ZFHX3: variants seen among roughly 807,000 people sequenced by gnomAD.
ZFHX3 encodes zinc finger homeobox 3.
ZFHX3 carries 42 observed loss-of-function variants against 279.1 expected under a neutral mutation model. The observed-to-expected ratio is 0.15, with a 90% CI of 0.12 to 0.19. ZFHX3 has a LOEUF of 0.19. Among genes scored for constraint, ZFHX3 ranks in the 10% least tolerant of loss-of-function variants. The pLI is 1.00. For synonymous variants in ZFHX3, 2,293 were observed against 1,957.8 expected (o/e 1.17, Z -4.52); for missense variants, 4,981 against 4,754.0 (o/e 1.05, Z -1.40).
Position 73,835,427 on chromosome 16 carries a change from T to C in ZFHX3, c.-1608+56224A>G, listed in dbSNP as rs114478073. On this transcript the variant is annotated intron_variant, in intron 1 of 17. Transcript: ENST00000641206. ...ACCTTTCCCCACCATCCCTCTTCTT[T>C]CGCCAACTTTCCTCCACCATCCCTC... Among the ~76,000 whole-genome samples, 326 of 148,810 alleles carry C rather than the reference T, an allele frequency of 2.2e-3. 3 individuals are homozygous for C. The highest frequency in any genetic ancestry group is 7.6e-3 in the African/African-American group (310 of 40,706).
intron 3 of ZFHX3, among the ~76,000 whole-genome samples, chr16:73,393,247 C>A (rs749927824): frequency 2.6e-5 from 4 of 152,190 alleles, no homozygotes; most frequent in Non-Finnish European, 5.9e-5. Context: ...TTGTACCCGG[C>A]CCTTCCTTCC....
At chr16:73,600,544 A>G (rs2052101629) in intron 2 of ZFHX3, among the ~76,000 whole-genome samples, 1 of 151,686 alleles carries the variant, frequency 6.6e-6, no homozygotes, top group Non-Finnish European at 1.5e-5. Context: ...CAGCCTCCCA[A>G]GTAGCTGGGA....
intron 3 of ZFHX3, among the ~76,000 whole-genome samples, chr16:73,332,921 C>G (rs2015833583): frequency 6.6e-6 from 1 of 152,162 alleles, no homozygotes; most frequent in South Asian, 2.1e-4. Context: ...TATGGTTGCT[C>G]TCTTGTACTT....
At position 72,882,977 on chromosome 16, in the gene ZFHX3, G is replaced by GGTGTGTGTGTGT. The variant is rs56328056; in HGVS notation, c.3448+6742_3448+6753dup. On this transcript the variant is annotated intron_variant, in intron 4 of 9. Coordinates refer to ENST00000268489, the MANE Select transcript of ZFHX3 (RefSeq NM_006885.4). Reference sequence around the variant, plus strand: ...ATTTTTGGCCTTCACACCACTCTGGGGTGTGTGTGTGTGTGTGTGTGTGTG... The same window carrying GGTGTGTGTGTGT: ...ATTTTTGGCCTTCACACCACTCTGGGGTGTGTGTGTGTGTGTGTGTGTGTGTGTGTGTGTGTG... Among the ~76,000 whole-genome samples the GGTGTGTGTGTGT allele has an allele frequency of 1.0e-3, 66 of 65,434 alleles. 4 individuals carry two copies. Among genetic ancestry groups the GGTGTGTGTGTGT allele is most frequent in the Admixed American group, 1.6e-3 (9 of 5,550 alleles). The allele number at this position is 65,434 out of a possible 152,430, so 42.9% of individuals were successfully genotyped here.
chr16:73,817,733 A>C (rs1960614812), intron 1 of ZFHX3, among the ~76,000 whole-genome samples: 1 of 152,146 alleles, frequency 6.6e-6, no homozygotes, highest in African/African-American at 2.4e-5. Flanking sequence ...TTGTTCTGGG[A>C]ACCCTCTGCC....
At chr16:73,886,204 T>G (rs191553339) in intron 1 of ZFHX3, among the ~76,000 whole-genome samples, 1 of 152,250 alleles carries the variant, frequency 6.6e-6, no homozygotes, top group African/African-American at 2.4e-5. Flanking sequence ...ACTTCCTTTT[T>G]TAAAAAATAA....
intron 1 of ZFHX3, among the ~76,000 whole-genome samples, chr16:73,740,872 C>T (rs1373242053): frequency 6.6e-6 from 1 of 152,116 alleles, no homozygotes; most frequent in African/African-American, 2.4e-5. Flanking sequence ...AAGAAAGAAG[C>T]CTTCACTTGA....
At chr16:73,711,234 A>T (rs932944387) in intron 1 of ZFHX3, among the ~76,000 whole-genome samples, 14 of 151,832 alleles carry the variant, frequency 9.2e-5, no homozygotes, top group Non-Finnish European at 1.8e-4. Flanking sequence ...ACACAGATGG[A>T]CCCTCTACTC....
chr16:72,872,008 C>T (rs1238185723), intron 4 of ZFHX3, among the ~76,000 whole-genome samples: 1 of 152,000 alleles, frequency 6.6e-6, no homozygotes, highest in Non-Finnish European at 1.5e-5. Context: ...TGGCATGAAC[C>T]CGGGAGTCGG....
intron 1 of ZFHX3, among the ~76,000 whole-genome samples, chr16:72,982,217 C>T (rs1377343859): frequency 6.6e-6 from 1 of 152,130 alleles, no homozygotes; most frequent in Admixed American, 6.5e-5. Context: ...CATTTGACCT[C>T]TAACAATCTT....
In ZFHX3 at chr16:72,798,347, C is replaced by T. The variant is rs1233232453; in HGVS notation, c.4335G>A (p.Lys1445=). Residue 1445 remains lysine (K), a synonymous_variant, in exon 9 of 10, where the codon AAG becomes AAA. Transcript: ENST00000268489. The part of the protein sequence containing the change: ...QRSFRTFQAL[K]KHLETSHLEL... ...CCAGGTGGCTTGTCTCAAGGTGCTT[C>T]TTCAGAGCCTGGAAAGTTCGGAAAC... The T allele has an allele frequency of 6.2e-6, 10 of 1,614,104 alleles. No individual in the cohort carries two copies. In the East Asian group the frequency reaches 2.0e-4, roughly 32 times the overall value.
intron 5 of ZFHX3, among the ~76,000 whole-genome samples, chr16:73,203,284 G>A (rs2011673651): frequency 6.6e-6 from 1 of 152,174 alleles, no homozygotes; most frequent in South Asian, 2.1e-4. Flanking sequence ...ATGGCTGGAA[G>A]GAAGGAAGGA....
At chr16:73,415,991 G>A (rs1440500715) in intron 3 of ZFHX3, among the ~76,000 whole-genome samples, 1 of 151,868 alleles carries the variant, frequency 6.6e-6, no homozygotes, top group African/African-American at 2.4e-5. Context: ...GAGGTGATGG[G>A]CACCTGTAAT....
At chr16:73,204,373 T>G (rs1276864134) in intron 5 of ZFHX3, among the ~76,000 whole-genome samples, 1 of 152,124 alleles carries the variant, frequency 6.6e-6, no homozygotes, top group Non-Finnish European at 1.5e-5. Context: ...CTTGTTTTCC[T>G]GCAACTAGCG....
At chr16:73,809,467 A>T (rs1960371000) in intron 1 of ZFHX3, 1 of 152,202 alleles carries the variant, frequency 6.6e-6, no homozygotes, top group Admixed American at 6.5e-5. Context: ...GGCATCATCC[A>T]CACAGGTGCT....
chr16:73,455,461 C>T (rs1244278741), intron 3 of ZFHX3, among the ~76,000 whole-genome samples: 4 of 152,190 alleles, frequency 2.6e-5, no homozygotes, highest in Non-Finnish European at 5.9e-5. Context: ...CCTTTGTTGC[C>T]TGTCTCAACT....
intron 3 of ZFHX3, among the ~76,000 whole-genome samples, chr16:73,351,310 C>T (rs1352362671): frequency 6.6e-6 from 1 of 152,196 alleles, no homozygotes; most frequent in African/African-American, 2.4e-5. Flanking sequence ...GCCTAATATA[C>T]TCCTGAATTG....
At chr16:73,148,661 G>A (rs1236136499) in intron 5 of ZFHX3, among the ~76,000 whole-genome samples, 1 of 138,748 alleles carries the variant, frequency 7.2e-6, no homozygotes, top group Non-Finnish European at 1.5e-5. Context: ...AATAAAGAAA[G>A]TTGGGTTGGG....
At chr16:73,614,288 A>C (rs1238555733) in intron 2 of ZFHX3, among the ~76,000 whole-genome samples, 1 of 152,208 alleles carries the variant, frequency 6.6e-6, no homozygotes, top group Non-Finnish European at 1.5e-5. Flanking sequence ...ATTTACAAAT[A>C]AAATTCAGGA....
Sources: gnomAD v4.1 joint callset for allele counts (sites outside exome capture counted in the v4.1 genomes callset) on GRCh38, gnomAD v4.1.1 for gene constraint, MANE v1.5 for transcripts, NCBI Gene and HGNC (gene_info 2026-07-23, HGNC 2026-07-21) for gene names.